Variants in ZMYM4 observed in about 807,000 individuals in gnomAD.
The protein encoded by ZMYM4 is zinc finger MYM-type containing 4.
Under a neutral mutation model 183.2 loss-of-function variants are expected in ZMYM4, and 31 were observed. That is an observed-to-expected ratio of 0.17 (90% CI 0.13 to 0.23). The LOEUF (loss-of-function observed/expected upper bound fraction) is 0.23, where lower values mean the gene tolerates loss of function less well. Among genes scored for constraint, ZMYM4 ranks in the 10% least tolerant of loss-of-function variants. ZMYM4 has a pLI of 1.00. For synonymous variants in ZMYM4, 592 were observed against 631.2 expected (o/e 0.94, Z 0.93); for missense variants, 1,273 against 1,840.3 (o/e 0.69, Z 5.64).
intron 1 of ZMYM4, among the ~76,000 whole-genome samples, chr1:35,290,912 A>G (rs543649578): frequency 8.5e-5 from 13 of 152,356 alleles, no homozygotes; most frequent in Middle Eastern, 3.4e-3. Flanking sequence ...TTCTGTCTGT[A>G]GCTCTAGTTC....
At chr1:35,387,743 C>A in intron 13 of ZMYM4, 139 bp downstream of exon 13, 1 of 855,592 alleles carries the variant, frequency 1.2e-6, no homozygotes, top group Non-Finnish European at 1.7e-6. Flanking sequence ...TTCATTTACA[C>A]TTAGTTCATT....
At chr1:35,355,531 A>G (rs540269529) in intron 2 of ZMYM4, among the ~76,000 whole-genome samples, 33 of 152,276 alleles carry the variant, frequency 2.2e-4, no homozygotes, top group African/African-American at 7.9e-4. Context: ...ACTGAACTAT[A>G]GGTCCTATCT....
intron 1 of ZMYM4, among the ~76,000 whole-genome samples, chr1:35,269,361 AGGGAGGGGAGGT>A (rs1318850597): frequency 6.6e-6 from 1 of 150,622 alleles, no homozygotes; most frequent in East Asian, 2.0e-4. Flanking sequence ...ATCTAGGCCC[AGGGAGGGGAGGT>A]GTCAGATTCT....
chr1:35,322,078 G>GT (rs1233453713), intron 1 of ZMYM4, among the ~76,000 whole-genome samples: 1 of 151,958 alleles, frequency 6.6e-6, no homozygotes, highest in African/African-American at 2.4e-5. Flanking sequence ...ATACTATTGG[G>GT]TTTTTTAAAA....
At chr1:35,379,538 CTG>C (rs1644407389) in intron 7 of ZMYM4, among the ~76,000 whole-genome samples, 1 of 152,246 alleles carries the variant, frequency 6.6e-6, no homozygotes, top group African/African-American at 2.4e-5. Context: ...GCCCGGCCAA[CTG>C]TTGCGCTTTC....
rs756473977 is a variant in ZMYM4, at chr1:35,361,607, A to G, written c.670-12A>G. On this transcript the variant is annotated splice_polypyrimidine_tract_variant and intron_variant, in intron 4 of 29. Transcript: ENST00000314607. Reference sequence around the variant, plus strand: ...ATCTGAATATTTATTAATCCTTTATATTGTGTTTTAGGATTCCAGCTACCC... The same window carrying G: ...ATCTGAATATTTATTAATCCTTTATGTTGTGTTTTAGGATTCCAGCTACCC... 2.5e-6 allele frequency: 4 copies of G among 1,606,514 alleles called. No homozygotes were observed. The highest frequency in any genetic ancestry group is 1.7e-4 in the Middle Eastern group (1 of 6,038).
At chr1:35,347,271 T>C (rs1643432967) in intron 2 of ZMYM4, among the ~76,000 whole-genome samples, 1 of 152,242 alleles carries the variant, frequency 6.6e-6, no homozygotes, top group Non-Finnish European at 1.5e-5. Flanking sequence ...CCTCCCAAAG[T>C]GCTGGGATTA....
intron 28 of ZMYM4, among the ~76,000 whole-genome samples, chr1:35,417,909 G>T (rs1219917118): frequency 6.6e-6 from 1 of 152,088 alleles, no homozygotes; most frequent in African/African-American, 2.4e-5. Context: ...CTACTTGGGA[G>T]GCTGAGGCAG....
In ZMYM4 at chr1:35,370,338, ATTTTTTTTTTTT is replaced by A. The variant is rs35122134; in HGVS notation, c.926-16_926-5del. 167 of 1,129,104 alleles carry A rather than the reference ATTTTTTTTTTTT, an allele frequency of 1.5e-4. 1 individual carries two copies. Among genetic ancestry groups the A allele is most frequent in the Admixed American group, 4.1e-4 (8 of 19,454 alleles). The allele number at this position is 1,129,104 out of a possible 1,614,324, so 69.9% of individuals were successfully genotyped here. The stretch of plus-strand genomic sequence containing the variant: ...AAAAGTAAAACATTTTTTTCTTTCA[ATTTTTTTTTTTT>A]TTTTTTTTTTTTTTTTTAAAGCTCC... On this transcript the variant is annotated intron_variant, in intron 6 of 29. Transcript: ENST00000314607.
In ZMYM4 at chr1:35,419,932, C is replaced by A; in HGVS notation, c.*255C>A. 1 of 454,488 alleles carries A rather than the reference C, an allele frequency of 2.2e-6. No individual in the cohort carries two copies. Among genetic ancestry groups the A allele is most frequent in the Non-Finnish European group, 4.0e-6 (1 of 248,148 alleles). 28.2% of individuals were successfully genotyped at this position (454,488 alleles called of 1,614,324 possible). ...GAATGACTAATTTCTCCGAGTGGTG[C>A]ATAATCTTATTTTGTTTGGGAGTAA... On this transcript the variant is annotated 3_prime_UTR_variant, in exon 30 of 30. Transcript: ENST00000314607.
At chr1:35,356,961 G>A (rs1643843337) in intron 2 of ZMYM4, among the ~76,000 whole-genome samples, 2 of 152,168 alleles carry the variant, frequency 1.3e-5, no homozygotes, top group South Asian at 4.1e-4. Flanking sequence ...ATAGCTTGCT[G>A]CAGCCTCAAA....
At chr1:35,311,764 G>A (rs910591261) in intron 1 of ZMYM4, among the ~76,000 whole-genome samples, 1 of 152,102 alleles carries the variant, frequency 6.6e-6, no homozygotes, top group Non-Finnish European at 1.5e-5. Flanking sequence ...GAAAAATAAA[G>A]CAATAGTCTA....
intron 21 of ZMYM4, 86 bp downstream of exon 21, chr1:35,398,552 A>G (rs1644848659): frequency 3.2e-6 from 4 of 1,246,294 alleles, no homozygotes; most frequent in Non-Finnish European, 4.5e-6. Context: ...TGGATTTCAT[A>G]TTTGTAATTT....
intron 1 of ZMYM4, among the ~76,000 whole-genome samples, chr1:35,280,395 C>T (rs1472846432): frequency 6.6e-6 from 1 of 152,170 alleles, no homozygotes; most frequent in Non-Finnish European, 1.5e-5. Context: ...ACCTTGGCCT[C>T]CCAAAGTGTT....
At chr1:35,358,768 A>G (rs1019242574) in intron 2 of ZMYM4, 157 bp from the exon 3 acceptor site, 15 of 628,752 alleles carry the variant, frequency 2.4e-5, no homozygotes, top group South Asian at 5.2e-5. Flanking sequence ...AGGAATAGTT[A>G]TATCTGTCAC....
intron 1 of ZMYM4, among the ~76,000 whole-genome samples, chr1:35,316,147 C>T (rs550990056): frequency 1.3e-5 from 2 of 152,162 alleles, no homozygotes; most frequent in Non-Finnish European, 2.9e-5. Flanking sequence ...TGTAGCCCAA[C>T]TTTATTATAT....
intron 9 of ZMYM4, among the ~76,000 whole-genome samples, chr1:35,383,979 G>C (rs1298587139): frequency 6.6e-6 from 1 of 152,172 alleles, no homozygotes; most frequent in Non-Finnish European, 1.5e-5. Context: ...AGAATGCCTA[G>C]TATGTAACTG....
chr1:35,349,306 G>A (rs1308628648), intron 2 of ZMYM4, among the ~76,000 whole-genome samples: 2 of 152,036 alleles, frequency 1.3e-5, no homozygotes, highest in African/African-American at 2.4e-5. Flanking sequence ...AGTTAAGAAA[G>A]ACATATTAGT....
chr1:35,418,095 A>T (rs1570565299), intron 28 of ZMYM4, among the ~76,000 whole-genome samples: 1 of 152,106 alleles, frequency 6.6e-6, no homozygotes, highest in Admixed American at 6.5e-5. Flanking sequence ...CTTTATCTTG[A>T]TATGTCTCAG....
Sources: gnomAD v4.1 joint callset for allele counts (sites outside exome capture counted in the v4.1 genomes callset) on GRCh38, gnomAD v4.1.1 for gene constraint, MANE v1.5 for transcripts, NCBI Gene and HGNC (gene_info 2026-07-23, HGNC 2026-07-21) for gene names.